Variants in OVOL2 observed in about 807,000 individuals in gnomAD.
OVOL2 encodes ovo like zinc finger 2.
A neutral mutation model predicts 18.1 loss-of-function variants in OVOL2; 13 were observed. The ratio of observed to expected loss-of-function variants is 0.72; its 90% confidence interval spans 0.47 to 1.14. OVOL2 has a LOEUF of 1.14. OVOL2 is among the 50% of genes most tolerant of loss of function. OVOL2 has a pLI of 0.00. For synonymous variants in OVOL2, 166 were observed against 162.7 expected, an observed-to-expected ratio of 1.02 and a Z score of -0.16; for missense variants, 335 against 383.0, an observed-to-expected ratio of 0.87 and a Z score of 1.05.
chr20:18,032,519 T>A (rs532090551), intron 3 of OVOL2, among the ~76,000 whole-genome samples: 11 of 152,150 alleles, frequency 7.2e-5, no homozygotes, highest in Admixed American at 6.5e-4. Flanking sequence ...TTATTATTAT[T>A]ATTTTGAGAT....
chr20:18,032,064 A>T (rs1232551850), intron 3 of OVOL2, among the ~76,000 whole-genome samples: 3 of 151,398 alleles, frequency 2.0e-5, no homozygotes, highest in Admixed American at 6.6e-5. Context: ...CAATGGCCAT[A>T]AAAAAAAATC....
intron 3 of OVOL2, among the ~76,000 whole-genome samples, chr20:18,026,863 T>C (rs1354029996): frequency 6.6e-6 from 1 of 151,944 alleles, no homozygotes; most frequent in Non-Finnish European, 1.5e-5. Context: ...AGGTCACCCC[T>C]TGAGCCAGTG....
rs1242030124 is a variant in OVOL2 at position 18,057,266 on chromosome 20, C to T, written c.100+269G>A. 1.3e-5 allele frequency among the ~76,000 whole-genome samples: 2 copies of T among 152,212 alleles called. No individual in the cohort carries two copies. The highest frequency in any genetic ancestry group is 4.8e-5 in the African/African-American group (2 of 41,464). On this transcript the variant is annotated intron_variant, in intron 1 of 3. Coordinates refer to ENST00000278780, the MANE Select transcript of OVOL2 (RefSeq NM_021220.4). The surrounding 1 kb of genome is among the most constrained non-coding windows in gnomAD (Gnocchi z 6.3). ...GGTAGCCTCTGCTGGCTTTCAATCC[C>T]TTTCCTGGGCCACCTTGGCCCGCGC...
At chr20:18,027,341 A>T (rs1487674589) in intron 3 of OVOL2, among the ~76,000 whole-genome samples, 1 of 152,038 alleles carries the variant, frequency 6.6e-6, no homozygotes, top group Non-Finnish European at 1.5e-5. Context: ...CAGCCTGGCC[A>T]ACATGGCGAA....
At chr20:18,034,212 G>C (rs2036594614) in intron 3 of OVOL2, among the ~76,000 whole-genome samples, 1 of 152,154 alleles carries the variant, frequency 6.6e-6, no homozygotes, top group Non-Finnish European at 1.5e-5. Flanking sequence ...TCAGCACTGG[G>C]CAAGTGACCT....
chr20:18,053,314 T>C (rs969781431), intron 2 of OVOL2, among the ~76,000 whole-genome samples: 10 of 152,166 alleles, frequency 6.6e-5, no homozygotes, highest in African/African-American at 2.4e-4. Flanking sequence ...TCTATGCAAC[T>C]CTTCTAGGAG....
rs2036495567 is a variant in OVOL2 at position 18,024,789 on chromosome 20, G to A, written c.675C>T (p.Thr225=). The A allele has an allele frequency of 6.2e-7, 1 of 1,614,178 alleles. No individual in the cohort carries two copies. Among genetic ancestry groups the A allele is most frequent in the South Asian group, 1.1e-5 (1 of 91,082 alleles). The change falls in exon 4 of 4, where the codon ACC becomes ACT. Residue 225 remains threonine (T), a synonymous_variant. Transcript: ENST00000278780. ...VCEDCGYTGP[T]QEDLYLHVNS... is the part of the protein sequence containing the mutation. ...TCACGTGCAGGTACAGGTCCTCCTGGGTGGGGCCCGTGTAGCCGCAATCCT... is the reference window on the plus strand; with the variant it reads ...TCACGTGCAGGTACAGGTCCTCCTGAGTGGGGCCCGTGTAGCCGCAATCCT...
rs142381313 is a variant in OVOL2, at chr20:18,045,523, T to A, written c.322-3800A>T. Reference sequence around the variant, plus strand: ...GAAAATCTCAAATCGTCGGTATTATTTTGTTTGAAAAGAATAAGATCTTGA... The same window carrying A: ...GAAAATCTCAAATCGTCGGTATTATATTGTTTGAAAAGAATAAGATCTTGA... On this transcript the variant is annotated intron_variant, in intron 2 of 3. Transcript: ENST00000278780. 3.3e-4 allele frequency among the ~76,000 whole-genome samples: 50 copies of A among 152,360 alleles called. No homozygotes were observed. The East Asian group carries it at 9.4e-3, about 29-fold the overall frequency.
At position 18,056,425 on chromosome 20, in the gene OVOL2, A is replaced by C. The variant is rs1200377171; in HGVS notation, c.321+232T>G. Among the ~76,000 whole-genome samples the C allele has an allele frequency of 6.6e-6, 1 of 152,012 alleles. No individual in the cohort carries two copies. The highest frequency in any genetic ancestry group is 6.5e-5 in the Admixed American group (1 of 15,276). ...TCAGGCGGGGCCACCGGGAGGACGG[A>C]GCCCACTCCGGGAACCGGCCGCCCC... On this transcript the variant is annotated intron_variant, in intron 2 of 3. Coordinates refer to ENST00000278780, the MANE Select transcript of OVOL2 (RefSeq NM_021220.4). The surrounding 1 kb of genome is among the most constrained non-coding windows in gnomAD (Gnocchi z 4.2).
At chr20:18,048,940 A>G (rs1357176035) in intron 2 of OVOL2, among the ~76,000 whole-genome samples, 1 of 152,158 alleles carries the variant, frequency 6.6e-6, no homozygotes, top group Non-Finnish European at 1.5e-5. Flanking sequence ...TACCTTCTGG[A>G]AAAGCTTAAT....
Position 18,057,610 on chromosome 20 carries a change from T to C in OVOL2, c.25A>G (p.Arg9Gly), listed in dbSNP as rs2036842790. MPKVFLVK[R>G]RSLGVSVRSW... The stretch of plus-strand genomic sequence containing the variant: ...CGGACCGAGACCCCCAGGCTCCTCC[T>C]CTTCACCAGGAAGACTTTGGGCATG... The change falls in exon 1 of 4, where the codon AGG (arginine) becomes GGG (glycine). Residue 9 changes from arginine to glycine, a missense_variant. Transcript: ENST00000278780. This position sits in a 1 kb window ranked among gnomAD's most constrained non-coding sequence, Gnocchi z 6.3. 1 of 1,591,928 alleles carries C rather than the reference T, an allele frequency of 6.3e-7. No homozygotes were observed. The highest frequency in any genetic ancestry group is 1.4e-5 in the African/African-American group (1 of 73,946).
chr20:18,029,513 G>T (rs1341511042), intron 3 of OVOL2, among the ~76,000 whole-genome samples: 2 of 152,248 alleles, frequency 1.3e-5, no homozygotes, highest in African/African-American at 4.8e-5. Flanking sequence ...ATAAACCTGG[G>T]GTTCTGGAGA....
intron 2 of OVOL2, chr20:18,050,742 C>T (rs1187128153): frequency 6.6e-6 from 1 of 152,208 alleles, no homozygotes; most frequent in Non-Finnish European, 1.5e-5. Context: ...GAACTGTTGA[C>T]TTCTTCCCCT....
rs759223616 is a variant in OVOL2 at position 18,056,852 on chromosome 20, G to T, written c.126C>A (p.Asp42Glu). The T allele has an allele frequency of 6.7e-7, 1 of 1,488,330 alleles. No homozygotes were observed. The highest frequency in any genetic ancestry group is 1.5e-5 in the African/African-American group (1 of 68,726). 92.2% of individuals were successfully genotyped at this position (1,488,330 alleles called of 1,614,324 possible). Residue 42 changes from aspartate to glutamate, a missense_variant, in exon 2 of 4, where the codon GAC becomes GAA. Coordinates refer to ENST00000278780, the MANE Select transcript of OVOL2 (RefSeq NM_021220.4). The surrounding 1 kb of genome is among the most constrained non-coding windows in gnomAD (Gnocchi z 4.2). Reference protein sequence around the residue: ...IPVGLGRLLHDPPEDCRSDGG... With the variant: ...IPVGLGRLLHEPPEDCRSDGG... Reference sequence around the variant, plus strand: ...CGTCGCTGCGGCAGTCCTCGGGGGGGTCGTGGAGCAGGCGGCCTAGGCCCA... The same window carrying T: ...CGTCGCTGCGGCAGTCCTCGGGGGGTTCGTGGAGCAGGCGGCCTAGGCCCA...
chr20:18,036,319 A>G (rs895180561), intron 3 of OVOL2, among the ~76,000 whole-genome samples: 5 of 152,132 alleles, frequency 3.3e-5, no homozygotes, highest in Admixed American at 6.6e-5. Context: ...AAAAAAATTG[A>G]GATTTTTACA....
chr20:18,047,066 T>G (rs561705331), intron 2 of OVOL2, among the ~76,000 whole-genome samples: 1 of 152,274 alleles, frequency 6.6e-6, no homozygotes, highest in South Asian at 2.1e-4. Context: ...TTCAGCAGTA[T>G]AAGAAGCTAA....
At chr20:18,053,743 T>C (rs1369175421) in intron 2 of OVOL2, among the ~76,000 whole-genome samples, 1 of 150,350 alleles carries the variant, frequency 6.7e-6, no homozygotes. Context: ...GAGGTTTTCC[T>C]TCTTACATCA....
chr20:18,054,509 G>A (rs1475364421), intron 2 of OVOL2, among the ~76,000 whole-genome samples: 1 of 152,170 alleles, frequency 6.6e-6, no homozygotes, highest in Non-Finnish European at 1.5e-5. Context: ...TTGGGAGGCT[G>A]AGGCAGGCGG....
intron 3 of OVOL2, among the ~76,000 whole-genome samples, chr20:18,027,528 CA>C (rs111486319): frequency 0.14 from 19,434 of 142,596 alleles, 1,386 homozygotes; most frequent in East Asian, 0.31. Flanking sequence ...ACTCCGTCTC[CA>C]AAAAAAAAAA....
Sources: gnomAD v4.1 joint callset for allele counts (sites outside exome capture counted in the v4.1 genomes callset) on GRCh38, gnomAD v4.1.1 for gene constraint, Gnocchi (gnomAD v3.1) non-coding constraint, MANE v1.5 for transcripts, NCBI Gene and HGNC (gene_info 2026-07-23, HGNC 2026-07-21) for gene names.